Variants in MYO3B observed in about 807,000 individuals in gnomAD.
MYO3B encodes the protein myosin IIIB.
A neutral mutation model predicts 174.6 loss-of-function variants in MYO3B; 156 were observed. That is an observed-to-expected ratio of 0.89 (90% CI 0.78 to 1.02). MYO3B has a LOEUF of 1.02. Ranked by LOEUF, MYO3B falls within the 50% of genes least tolerant of loss-of-function variation. The probability of loss-of-function intolerance (pLI) is 0.00; values close to 1 mark genes in which losing one functional copy is unlikely to be tolerated. For missense variants in MYO3B, 1,632 were observed against 1,639.4 expected (o/e 1.00, Z 0.08); for synonymous variants, 563 against 569.1 (o/e 0.99, Z 0.15).
chr2:170,196,461 G>A (rs186216946), intron 1 of MYO3B, among the ~76,000 whole-genome samples: 5 of 152,224 alleles, frequency 3.3e-5, no homozygotes, highest in Admixed American at 2.6e-4. Flanking sequence ...GGCTACAGGG[G>A]GTGGTGATCA....
intron 22 of MYO3B, among the ~76,000 whole-genome samples, chr2:170,420,619 G>A (rs2094608481): frequency 3.3e-5 from 5 of 152,068 alleles, no homozygotes; most frequent in Admixed American, 6.5e-5. Context: ...TAATTACATG[G>A]GCTCCTCATC....
intron 24 of MYO3B, among the ~76,000 whole-genome samples, chr2:170,466,083 A>G (rs1684611402): frequency 6.6e-6 from 1 of 152,170 alleles, no homozygotes; most frequent in Non-Finnish European, 1.5e-5. Flanking sequence ...TACCAATCGT[A>G]TCTGTAGGAT....
chr2:170,623,623 G>C (rs1473575331), intron 32 of MYO3B, among the ~76,000 whole-genome samples: 3 of 152,222 alleles, frequency 2.0e-5, no homozygotes, highest in South Asian at 2.1e-4. Context: ...ATTGCTTTTG[G>C]TGTTTTAGAC....
rs1396932166 is a variant in MYO3B at position 170,405,617 on chromosome 2, A to G, written c.2504A>G (p.Gln835Arg). The change falls in exon 21 of 35, where the codon CAG becomes CGG. Residue 835 changes from glutamine (Q) to arginine (R), a missense_variant. Gln to Arg is a conservative substitution (Grantham distance 43). Coordinates refer to ENST00000408978, the MANE Select transcript of MYO3B (RefSeq NM_138995.5). Reference sequence around the variant, plus strand: ...GGAGTGGAACTGTGCTTTGGCATTCAGCATTATGCTGGAAAGGTGAGGCCA... The same window carrying G: ...GGAGTGGAACTGTGCTTTGGCATTCGGCATTATGCTGGAAAGGTGAGGCCA... The part of the protein sequence containing the change: ...PKGVELCFGI[Q>R]HYAGKVLYDA... 6.2e-7 allele frequency: 1 copy of G among 1,614,218 alleles called. No individual in the cohort carries two copies. The highest frequency in any genetic ancestry group is 8.5e-7 in the Non-Finnish European group (1 of 1,180,008).
chr2:170,473,139 C>CTTTTTTTTTTTTTT (rs66837903), intron 25 of MYO3B, among the ~76,000 whole-genome samples: 4 of 96,436 alleles, frequency 4.1e-5, no homozygotes, highest in Non-Finnish European at 8.5e-5. Flanking sequence ...TTTTTCTTTT[C>CTTTTTTTTTTTTTT]TTTTTTTTTT....
At chr2:170,459,837 C>A (rs868671049) in intron 23 of MYO3B, among the ~76,000 whole-genome samples, 1 of 152,100 alleles carries the variant, frequency 6.6e-6, no homozygotes, top group Non-Finnish European at 1.5e-5. Flanking sequence ...AGGTGGGGGA[C>A]CTGGTGCACC....
intron 7 of MYO3B, among the ~76,000 whole-genome samples, chr2:170,300,094 G>A (rs967634024): frequency 1.3e-5 from 2 of 152,196 alleles, no homozygotes; most frequent in African/African-American, 4.8e-5. Flanking sequence ...ATTCAGTGCC[G>A]ATAGGGCAGA....
intron 7 of MYO3B, among the ~76,000 whole-genome samples, chr2:170,245,773 A>T (rs1574647881): frequency 6.6e-6 from 1 of 152,244 alleles, no homozygotes; most frequent in Admixed American, 6.5e-5. Flanking sequence ...CACTCACTGC[A>T]GCAGCAAGTC....
chr2:170,453,290 A>G (rs970020847), intron 23 of MYO3B, among the ~76,000 whole-genome samples: 2 of 152,106 alleles, frequency 1.3e-5, no homozygotes, highest in African/African-American at 4.8e-5. Flanking sequence ...TTACAGAAAG[A>G]CAAATTCTTT....
chr2:170,276,953 G>A (rs1455429099), intron 7 of MYO3B, among the ~76,000 whole-genome samples: 1 of 152,144 alleles, frequency 6.6e-6, no homozygotes, highest in Admixed American at 6.6e-5. Flanking sequence ...TATAATAAAT[G>A]GGCTCTAAAG....
intron 22 of MYO3B, among the ~76,000 whole-genome samples, 179 bp downstream of exon 22, chr2:170,408,023 G>GTGTACA (rs1270515713): frequency 6.6e-6 from 1 of 152,214 alleles, no homozygotes; most frequent in African/African-American, 2.4e-5. Flanking sequence ...ATTGAATTGT[G>GTGTACA]CAGCATCCGT....
chr2:170,225,441 T>C (rs1422936284), intron 6 of MYO3B, among the ~76,000 whole-genome samples: 1 of 152,340 alleles, frequency 6.6e-6, no homozygotes, highest in East Asian at 1.9e-4. Flanking sequence ...ATTCTTAACA[T>C]AGATGAGAAT....
chr2:170,506,446 G>C (rs1687627232), intron 28 of MYO3B, among the ~76,000 whole-genome samples: 1 of 152,216 alleles, frequency 6.6e-6, no homozygotes, highest in Non-Finnish European at 1.5e-5. Flanking sequence ...GCCTACGTGT[G>C]CAGGACAACT....
intron 7 of MYO3B, among the ~76,000 whole-genome samples, chr2:170,274,305 G>C (rs897840724): frequency 6.6e-6 from 1 of 152,134 alleles, no homozygotes; most frequent in Non-Finnish European, 1.5e-5. Flanking sequence ...CTTGAGGCCT[G>C]TCTGAATGTA....
intron 25 of MYO3B, among the ~76,000 whole-genome samples, chr2:170,478,022 G>A (rs1167330115): frequency 1.3e-5 from 2 of 152,108 alleles, no homozygotes; most frequent in Non-Finnish European, 2.9e-5. Context: ...TATCATGTCT[G>A]CATTTAAGGC....
At chr2:170,453,409 T>TACACACACACACACACACACACACACAC (rs35558091) in intron 23 of MYO3B, among the ~76,000 whole-genome samples, 17 of 131,196 alleles carry the variant, frequency 1.3e-4, no homozygotes. Flanking sequence ...GTTTACCATT[T>TACACACACACACACACACACACACACAC]ACACACACAC....
At chr2:170,272,117 G>T (rs75703117) in intron 7 of MYO3B, among the ~76,000 whole-genome samples, 2,557 of 149,780 alleles carry the variant, frequency 0.017, 21 homozygotes, top group Middle Eastern at 0.065. Flanking sequence ...ATGGAAATGG[G>T]CTATTCCAAT....
At chr2:170,282,972 G>C (rs2105397455) in intron 7 of MYO3B, among the ~76,000 whole-genome samples, 1 of 152,244 alleles carries the variant, frequency 6.6e-6, no homozygotes, top group Non-Finnish European at 1.5e-5. Context: ...GTGAATCCAA[G>C]TAGCATTTCA....
intron 30 of MYO3B, among the ~76,000 whole-genome samples, chr2:170,539,498 T>A (rs1689944523): frequency 6.6e-6 from 1 of 152,244 alleles, no homozygotes; most frequent in Non-Finnish European, 1.5e-5. Flanking sequence ...TTGCCTCTCT[T>A]GTGAAATGAA....
Sources: gnomAD v4.1 joint callset for allele counts (sites outside exome capture counted in the v4.1 genomes callset) on GRCh38, gnomAD v4.1.1 for gene constraint, MANE v1.5 for transcripts, NCBI Gene and HGNC (gene_info 2026-07-23, HGNC 2026-07-21) for gene names.